ADCY9: variants seen among roughly 807,000 people sequenced by gnomAD.
The protein encoded by ADCY9 is adenylate cyclase type 9.
A neutral mutation model predicts 101.5 loss-of-function variants in ADCY9; 50 were observed. That is an observed-to-expected ratio of 0.49 (90% CI 0.39 to 0.62). The LOEUF is 0.62. Among genes scored for constraint, ADCY9 ranks in the 20% least tolerant of loss-of-function variants. The pLI is 0.00. For synonymous variants in ADCY9, 905 were observed against 769.3 expected, an observed-to-expected ratio of 1.18 and a Z score of -2.92; for missense variants, 1,662 against 1,800.4, an observed-to-expected ratio of 0.92 and a Z score of 1.39.
At chr16:4,110,352 G>GT (rs2057105797) in intron 2 of ADCY9, among the ~76,000 whole-genome samples, 1 of 139,984 alleles carries the variant, frequency 7.1e-6, no homozygotes, top group Non-Finnish European at 1.6e-5. Flanking sequence ...GCTCAGGGCA[G>GT]TTTTGCAATC....
At chr16:4,026,646 G>A (rs2056517481) in intron 2 of ADCY9, among the ~76,000 whole-genome samples, 1 of 152,084 alleles carries the variant, frequency 6.6e-6, no homozygotes, top group African/African-American at 2.4e-5. Context: ...CCCACAATGG[G>A]GCACTACTCA....
chr16:4,076,530 A>G (rs2532018), intron 2 of ADCY9, among the ~76,000 whole-genome samples: 50,586 of 152,068 alleles, frequency 0.33, 8,894 homozygotes, highest in East Asian at 0.52. Flanking sequence ...CCAAGCTCTC[A>G]CCTCTAAGGT....
At chr16:4,097,453 C>CATAT (rs71394653) in intron 2 of ADCY9, among the ~76,000 whole-genome samples, 1,182 of 70,850 alleles carry the variant, frequency 0.017, 19 homozygotes, top group Non-Finnish European at 0.02. Flanking sequence ...TGTGGAGTTA[C>CATAT]ATATATATAT....
chr16:4,102,384 CA>C (rs1167359960), intron 2 of ADCY9, among the ~76,000 whole-genome samples: 3 of 151,828 alleles, frequency 2.0e-5, no homozygotes, highest in Non-Finnish European at 4.4e-5. Flanking sequence ...TGAGCCCTTC[CA>C]AAAAAAATTT....
Position 4,115,264 on chromosome 16 carries a change from G to C in ADCY9, c.179C>G (p.Ser60Cys). The C allele has an allele frequency of 6.2e-7, 1 of 1,613,598 alleles. No homozygotes were observed. Among genetic ancestry groups the C allele is most frequent in the Non-Finnish European group, 8.5e-7 (1 of 1,179,748 alleles). ...ISSSCSSSGD[S>C]GGVPRRVGGG... ...GCCCACTCGCCGGGGGACGCCCCCGGAGTCCCCAGAGCTGCTGCAGCTAGA... is the reference window on the plus strand; with the variant it reads ...GCCCACTCGCCGGGGGACGCCCCCGCAGTCCCCAGAGCTGCTGCAGCTAGA... The change falls in exon 2 of 11, where the codon TCC becomes TGC. Residue 60 changes from serine (S) to cysteine (C), a missense_variant. Physicochemically the swap from Ser to Cys is moderately radical, Grantham distance 112. Coordinates refer to ENST00000294016, the MANE Select transcript of ADCY9 (RefSeq NM_001116.4). The surrounding 1 kb of genome is among the most constrained non-coding windows in gnomAD (Gnocchi z 6.2).
intron 2 of ADCY9, among the ~76,000 whole-genome samples, chr16:4,091,080 T>A (rs374814446): frequency 2.8e-5 from 4 of 142,510 alleles, no homozygotes; most frequent in African/African-American, 1.0e-4. Context: ...TTATTTTATT[T>A]TATTATTTTT....
intron 2 of ADCY9, among the ~76,000 whole-genome samples, chr16:4,097,845 C>T (rs1032579569): frequency 6.6e-6 from 1 of 151,844 alleles, no homozygotes; most frequent in Non-Finnish European, 1.5e-5. Context: ...CCATACCAGG[C>T]TTATATTTAC....
At chr16:4,022,306 A>G (rs2056482388) in intron 2 of ADCY9, among the ~76,000 whole-genome samples, 1 of 152,060 alleles carries the variant, frequency 6.6e-6, no homozygotes, top group African/African-American at 2.4e-5. Flanking sequence ...AGCCTGGCCA[A>G]CATGGTGAAA....
intron 2 of ADCY9, among the ~76,000 whole-genome samples, chr16:4,046,612 C>T (rs1012817763): frequency 4.6e-5 from 7 of 152,104 alleles, no homozygotes; most frequent in Non-Finnish European, 2.9e-5. Context: ...TGTTTTACAG[C>T]CCTTTAACTT....
chr16:4,101,862 G>A (rs2057045344), intron 2 of ADCY9, among the ~76,000 whole-genome samples: 1 of 152,164 alleles, frequency 6.6e-6, no homozygotes, highest in Admixed American at 6.6e-5. Context: ...TCCAGGCTCT[G>A]GGGAACTGAA....
chr16:4,046,030 T>C (rs2141143631), intron 2 of ADCY9, among the ~76,000 whole-genome samples: 1 of 152,044 alleles, frequency 6.6e-6, no homozygotes, highest in African/African-American at 2.4e-5. Context: ...TCATATTTTT[T>C]GTAGAGTTGG....
Position 3,992,002 on chromosome 16 carries a change from T to C in ADCY9, c.2207+144A>G, listed in dbSNP as rs541631764. The C allele has an allele frequency of 5.0e-5, 37 of 736,454 alleles. No homozygotes were observed. Among genetic ancestry groups the C allele is most frequent in the African/African-American group, 4.4e-4 (25 of 56,394 alleles). The allele number at this position is 736,454 out of a possible 1,614,324, so 45.6% of individuals were successfully genotyped here. On this transcript the variant is annotated intron_variant, in intron 5 of 10. Transcript: ENST00000294016. This position sits in a 1 kb window ranked among gnomAD's most constrained non-coding sequence, Gnocchi z 4.2. The stretch of plus-strand genomic sequence containing the variant: ...AGGAGCATCGTTTGAACCTGGGAGA[T>C]AGAGGCTGCAGTGAGCCAAGATCGC...
chr16:3,991,707 G>A (rs1269770473), intron 5 of ADCY9, among the ~76,000 whole-genome samples: 1 of 146,802 alleles, frequency 6.8e-6, no homozygotes, highest in Non-Finnish European at 1.5e-5. Flanking sequence ...GTTGCAGTGA[G>A]CCGAGATTGA....
At chr16:3,980,506 C>G (rs1021680324) in intron 7 of ADCY9, among the ~76,000 whole-genome samples, 1 of 152,110 alleles carries the variant, frequency 6.6e-6, no homozygotes, top group Non-Finnish European at 1.5e-5. Flanking sequence ...AGAGGCTGGG[C>G]GGGGGCCGCT....
chr16:4,026,677 G>C (rs1349369313), intron 2 of ADCY9, among the ~76,000 whole-genome samples: 1 of 152,160 alleles, frequency 6.6e-6, no homozygotes, highest in African/African-American at 2.4e-5. Flanking sequence ...GAATGAACTA[G>C]AGACCCATGC....
chr16:3,969,613 T>TACA (rs1491520639), intron 10 of ADCY9, among the ~76,000 whole-genome samples: 1 of 81,038 alleles, frequency 1.2e-5, no homozygotes, highest in African/African-American at 6.7e-5. Context: ...TATATATGTA[T>TACA]TTTTTTTTTT....
In ADCY9 at chr16:3,966,030, G is replaced by A. The variant is rs1381105700; in HGVS notation, c.3807C>T (p.Ser1269=). Residue 1269 remains serine, a synonymous_variant, in exon 11 of 11, where the codon AGC becomes AGT. Transcript: ENST00000294016. ...SPDIRVQVDG[S]IGRSPTDEIA... is the part of the protein sequence containing the mutation. ...TCTCGTCTGTGGGAGACCGTCCGAT[G>A]CTGCCATCCACCTGGACGCGGATGT... 1.2e-6 allele frequency: 2 copies of A among 1,614,218 alleles called. No individual in the cohort carries two copies. The highest frequency in any genetic ancestry group is 1.7e-5 in the Admixed American group (1 of 60,028).
At chr16:4,058,910 G>A (rs1010491367) in intron 2 of ADCY9, among the ~76,000 whole-genome samples, 4 of 152,090 alleles carry the variant, frequency 2.6e-5, no homozygotes, top group Non-Finnish European at 4.4e-5. Flanking sequence ...AAGGAACTTT[G>A]GTAAGAGGAT....
At chr16:4,059,714 A>G (rs927624578) in intron 2 of ADCY9, among the ~76,000 whole-genome samples, 17 of 152,194 alleles carry the variant, frequency 1.1e-4, no homozygotes, top group Admixed American at 7.9e-4. Flanking sequence ...CCTGGGCAAC[A>G]TATCAAGACC....
Sources: gnomAD v4.1 joint callset for allele counts (sites outside exome capture counted in the v4.1 genomes callset) on GRCh38, gnomAD v4.1.1 for gene constraint, Gnocchi (gnomAD v3.1) non-coding constraint, MANE v1.5 for transcripts, NCBI Gene and HGNC (gene_info 2026-07-23, HGNC 2026-07-21) for gene names.